The following PCYOX1L variants were observed in gnomAD, a reference collection of about 807,000 sequenced individuals.
The protein encoded by PCYOX1L is prenylcysteine oxidase 1 like.
PCYOX1L carries 40 observed loss-of-function variants against 44.1 expected under a neutral mutation model. That is an observed-to-expected ratio of 0.91 (90% confidence interval 0.70 to 1.18). The LOEUF (loss-of-function observed/expected upper bound fraction) is 1.18. Among genes scored for constraint, PCYOX1L ranks in the 50% most tolerant of loss-of-function variants. The pLI, the probability that PCYOX1L is intolerant of heterozygous loss-of-function variation, is 0.00. For missense variants in PCYOX1L, 605 were observed against 653.3 expected (o/e 0.93, Z 0.81); for synonymous variants, 266 against 282.8 (o/e 0.94, Z 0.60).
Position 149,364,110 on chromosome 5 carries a change from G to A in PCYOX1L, c.370G>A (p.Asp124Asn), listed in dbSNP as rs1253202053. ...GGAGCACTTCATGCTGGAGGAGACT[G>A]ACTGGTACCTGCTGAACCTCTTCCG... is the stretch of plus-strand genomic sequence containing the variant. ...GGEHFMLEET[D>N]WYLLNLFRLW... is the part of the protein sequence containing the mutation. The change falls in exon 3 of 6, where the codon GAC becomes AAC. Residue 124 changes from aspartate to asparagine, a missense_variant. By Grantham distance (23) the Asp-to-Asn change is conservative (BLOSUM62 1). Transcript: ENST00000274569. The A allele has an allele frequency of 3.7e-6, 6 of 1,614,196 alleles. No homozygotes were observed. The highest frequency in any genetic ancestry group is 3.3e-5 in the Admixed American group (2 of 60,022).
At chr5:149,361,619 T>G (rs62378145) in intron 1 of PCYOX1L, among the ~76,000 whole-genome samples, 62 of 152,246 alleles carry the variant, frequency 4.1e-4, no homozygotes, top group South Asian at 6.2e-4. Context: ...CAATCCATCA[T>G]AGAGTACATT....
In PCYOX1L at chr5:149,369,413, T is replaced by C. The variant is rs147718081; in HGVS notation, c.*759T>C. ...TCTTCCTTATGCAAAGATTGAGGAATGCAACAATATAAAGAAGAGAAGTCC... is the reference window on the plus strand; with the variant it reads ...TCTTCCTTATGCAAAGATTGAGGAACGCAACAATATAAAGAAGAGAAGTCC... On this transcript the variant is annotated 3_prime_UTR_variant, in exon 6 of 6. Coordinates refer to ENST00000274569, the MANE Select transcript of PCYOX1L (RefSeq NM_024028.4). 7 of 152,270 alleles carry C rather than the reference T, an allele frequency of 4.6e-5. No homozygotes were observed. The East Asian group carries it at 1.4e-3, about 29-fold the overall frequency. The allele number at this position is 152,270 out of a possible 1,614,324, so 9.4% of individuals were successfully genotyped here.
chr5:149,365,643 T>C, intron 3 of PCYOX1L: 1 of 438,698 alleles, frequency 2.3e-6, no homozygotes, highest in Non-Finnish European at 4.2e-6. Flanking sequence ...AAGAAAGGGT[T>C]ATGAACTATG....
chr5:149,358,104 C>T lies in PCYOX1L; in HGVS notation c.36C>T (p.Thr12=), dbSNP rs566447010. The change falls in exon 1 of 6, where the codon ACC becomes ACT. Residue 12 remains threonine (T), a synonymous_variant. Coordinates refer to ENST00000274569, the MANE Select transcript of PCYOX1L (RefSeq NM_024028.4). ...ARAAPLLAAL[T]ALLAAAAAGG... The stretch of plus-strand genomic sequence containing the variant: ...CAGCCCCGCTGCTCGCCGCGTTGAC[C>T]GCGCTCCTCGCCGCCGCCGCTGCTG... 4.8e-6 allele frequency: 7 copies of T among 1,451,462 alleles called. No homozygotes were observed. The highest frequency in any genetic ancestry group is 6.1e-5 in the East Asian group (2 of 32,948). 89.9% of individuals were successfully genotyped at this position (1,451,462 alleles called of 1,614,324 possible). A position where few individuals can be genotyped will look rare whatever the true frequency, so the allele number is the denominator to read the frequency against.
rs756110273 is a variant in PCYOX1L at position 149,368,549 on chromosome 5, C to T, written c.1380C>T (p.Ala460=). ...CGGCCAGCTCCGTGGAGGTGATGGC[C>T]GTGGCTGCCAAGAATGTGGCCTTGC... ...EWAASSVEVM[A]VAAKNVALLA... Residue 460 remains alanine (A), a synonymous_variant, in exon 6 of 6, where the codon GCC becomes GCT. Coordinates refer to ENST00000274569, the MANE Select transcript of PCYOX1L (RefSeq NM_024028.4). 21 of 1,601,250 alleles carry T rather than the reference C, an allele frequency of 1.3e-5. No homozygotes were observed. The highest frequency in any genetic ancestry group is 8.9e-5 in the East Asian group (4 of 44,834).
intron 5 of PCYOX1L, 96 bp downstream of exon 5, chr5:149,367,596 C>T: frequency 6.7e-7 from 1 of 1,503,522 alleles, no homozygotes; most frequent in South Asian, 1.3e-5. Context: ...TCTGTGATCC[C>T]CCTGGGGAGT....
chr5:149,360,874 G>T (rs1312506993), intron 1 of PCYOX1L, among the ~76,000 whole-genome samples: 1 of 152,216 alleles, frequency 6.6e-6, no homozygotes, highest in Non-Finnish European at 1.5e-5. Flanking sequence ...AGAGAACCTG[G>T]TGCTGTCTGA....
rs774404579 is a variant in PCYOX1L, at chr5:149,368,157, C to T, written c.988C>T (p.Gln330Ter). 1 of 1,613,442 alleles carries T rather than the reference C, an allele frequency of 6.2e-7. No homozygotes were observed. ...CATTGATGACGTGCAGGGCTCTTTC[C>T]AGCCCACCGTCGTCTCCTTGGTCCA... The part of the protein sequence containing the change: ...PPIDDVQGSF[Q>*]PTVVSLVHGY... Residue 330 changes from glutamine to a stop codon, truncating the protein, a stop_gained, in exon 6 of 6, where the codon CAG becomes TAG. Transcript: ENST00000274569. LOFTEE classifies it high-confidence loss of function.
At chr5:149,364,422 A>C in intron 3 of PCYOX1L, 25 of 559,848 alleles carry the variant, frequency 4.5e-5, no homozygotes, top group Non-Finnish European at 5.3e-5. Flanking sequence ...ATTGACTCTC[A>C]TTTTCTTACC....
chr5:149,359,587 C>A (rs995342714), intron 1 of PCYOX1L, among the ~76,000 whole-genome samples: 1 of 152,112 alleles, frequency 6.6e-6, no homozygotes. Flanking sequence ...GGGCACTCCC[C>A]GTTTTCTTAG....
intron 5 of PCYOX1L, 120 bp from the exon 6 acceptor site, chr5:149,367,873 A>T: frequency 9.1e-7 from 1 of 1,103,752 alleles, no homozygotes; most frequent in Non-Finnish European, 1.3e-6. Flanking sequence ...CCCACCATTT[A>T]GACAGCCCTG....
At chr5:149,361,148 C>T (rs1757997927) in intron 1 of PCYOX1L, among the ~76,000 whole-genome samples, 1 of 152,178 alleles carries the variant, frequency 6.6e-6, no homozygotes, top group African/African-American at 2.4e-5. Flanking sequence ...GTGGCTAATG[C>T]CTGTAATTCC....
intron 1 of PCYOX1L, among the ~76,000 whole-genome samples, chr5:149,360,537 CAT>C (rs1757977340): frequency 2.0e-5 from 3 of 152,272 alleles, no homozygotes; most frequent in Admixed American, 6.5e-5. Flanking sequence ...GATCTGGGGA[CAT>C]AGTGATCATG....
chr5:149,362,829 T>G lies in PCYOX1L; in HGVS notation c.281T>G (p.Phe94Cys). 1 of 1,613,958 alleles carries G rather than the reference T, an allele frequency of 6.2e-7. No homozygotes were observed. Among genetic ancestry groups the G allele is most frequent in the Non-Finnish European group, 8.5e-7 (1 of 1,180,040 alleles). ...FHSLSLHMQD[F>C]VKLLGLRHRR... Reference sequence around the variant, plus strand: ...TCCCTGAGCCTGCACATGCAGGACTTCGTCAAGCTGCTGGGTGAGTGGTCA... The same window carrying G: ...TCCCTGAGCCTGCACATGCAGGACTGCGTCAAGCTGCTGGGTGAGTGGTCA... The change falls in exon 2 of 6, where the codon TTC (phenylalanine) becomes TGC (cysteine). Residue 94 changes from phenylalanine (F) to cysteine (C), a missense_variant. By Grantham distance (205) the Phe-to-Cys change is radical. Coordinates refer to ENST00000274569, the MANE Select transcript of PCYOX1L (RefSeq NM_024028.4).
intron 2 of PCYOX1L, 27 bp from the exon 3 acceptor site, chr5:149,364,009 C>T (rs544403205): frequency 6.2e-7 from 1 of 1,611,622 alleles, no homozygotes; most frequent in African/African-American, 1.3e-5. Context: ...TGGAGGGGAC[C>T]TGAGGGGCTC....
Position 149,366,524 on chromosome 5 carries a change from C to T in PCYOX1L, c.682+371C>T, listed in dbSNP as rs1204104153. Among the ~76,000 whole-genome samples the T allele has an allele frequency of 6.6e-5, 10 of 152,360 alleles. No individual in the cohort carries two copies. In the East Asian group the frequency reaches 1.9e-3, roughly 29 times the overall value. On this transcript the variant is annotated intron_variant, in intron 4 of 5. Transcript: ENST00000274569. ...CCACTGTGAGAGCACCTCCTCTTCC[C>T]AGCTCTTCACGGGAGTGGCTGGGCC... is the stretch of plus-strand genomic sequence containing the variant.
chr5:149,366,422 G>C (rs1377311695), intron 4 of PCYOX1L, among the ~76,000 whole-genome samples: 1 of 152,226 alleles, frequency 6.6e-6, no homozygotes, highest in African/African-American at 2.4e-5. Flanking sequence ...CCTTGCATGT[G>C]TGTAAATGTT....
intron 4 of PCYOX1L, 34 bp downstream of exon 4, chr5:149,366,187 C>A: frequency 6.3e-7 from 1 of 1,596,178 alleles, no homozygotes; most frequent in Non-Finnish European, 8.5e-7. Flanking sequence ...CCCACCTGCC[C>A]CTCCTCCACC....
chr5:149,367,485 A>G lies in PCYOX1L; in HGVS notation c.808A>G (p.Thr270Ala), dbSNP rs761317238. ...NVIHATVTSVTLHSTEGKALY... is the reference protein window; with the variant it reads ...NVIHATVTSVALHSTEGKALY... ...GATCCATGCCACAGTGACCTCTGTGACCCTGCACAGCACAGGTGAGTAGAC... is the reference window on the plus strand; with the variant it reads ...GATCCATGCCACAGTGACCTCTGTGGCCCTGCACAGCACAGGTGAGTAGAC... Residue 270 changes from threonine to alanine, a missense_variant, in exon 5 of 6, where the codon ACC becomes GCC. Thr to Ala is a moderately conservative substitution (Grantham distance 58). Coordinates refer to ENST00000274569, the MANE Select transcript of PCYOX1L (RefSeq NM_024028.4). The G allele has an allele frequency of 1.2e-6, 2 of 1,613,658 alleles. No homozygotes were observed. The highest frequency in any genetic ancestry group is 8.5e-7 in the Non-Finnish European group (1 of 1,179,836).
Sources: allele counts gnomAD v4.1 joint callset (sites outside exome capture counted in the v4.1 genomes callset), GRCh38; gene constraint gnomAD v4.1.1; transcripts MANE v1.5; gene names NCBI Gene and HGNC (gene_info 2026-07-23, HGNC 2026-07-21).